Variants in RXFP1 observed in about 807,000 individuals in gnomAD.
RXFP1 encodes relaxin family peptide receptor 1.
RXFP1 carries 73 observed loss-of-function variants against 89.8 expected under a neutral mutation model. The ratio of observed to expected loss-of-function variants is 0.81; its 90% CI spans 0.67 to 0.99. RXFP1 has a LOEUF of 0.99. Among genes scored for constraint, RXFP1 ranks in the 50% least tolerant of loss-of-function variants. The pLI, the probability that RXFP1 is intolerant of heterozygous loss-of-function variation, is 0.00. For missense variants in RXFP1, 793 were observed against 895.5 expected (o/e 0.89, Z 1.46); for synonymous variants, 277 against 305.5 (o/e 0.91, Z 0.97).
rs1416898293 is a variant in RXFP1 at position 158,534,925 on chromosome 4, T to C, written c.49+12900T>C. ...TTATTACATATAATAAAATAATTTA[T>C]ATTGTTATATTAATATATTACATAA... On this transcript the variant is annotated intron_variant, in intron 1 of 17. Coordinates refer to ENST00000307765, the MANE Select transcript of RXFP1 (RefSeq NM_021634.4). Among the ~76,000 whole-genome samples the C allele has an allele frequency of 2.0e-5, 3 of 147,958 alleles. No individual in the cohort carries two copies. The East Asian group carries it at 5.8e-4, about 29-fold the overall frequency.
chr4:158,524,844 T>TTAAC (rs1553988558), intron 1 of RXFP1, among the ~76,000 whole-genome samples: 1 of 151,994 alleles, frequency 6.6e-6, no homozygotes, highest in Non-Finnish European at 1.5e-5. Flanking sequence ...AAACAATTCT[T>TTAAC]TTAATGTTTT....
intron 2 of RXFP1, among the ~76,000 whole-genome samples, chr4:158,573,565 T>A (rs1452350336): frequency 6.6e-6 from 1 of 152,196 alleles, no homozygotes. Flanking sequence ...AAGACAACTC[T>A]TCTTCCAATG....
chr4:158,563,903 TTA>T (rs113824618), intron 1 of RXFP1, among the ~76,000 whole-genome samples: 3 of 148,104 alleles, frequency 2.0e-5, no homozygotes, highest in African/African-American at 7.4e-5. Flanking sequence ...ATATAACATA[TTA>T]TATATATAAC....
intron 3 of RXFP1, among the ~76,000 whole-genome samples, chr4:158,595,645 T>C (rs533950902): frequency 2.0e-5 from 3 of 152,342 alleles, no homozygotes; most frequent in Admixed American, 2.0e-4. Context: ...ATTTTTTTCT[T>C]CATGTTCTAC....
intron 8 of RXFP1, among the ~76,000 whole-genome samples, chr4:158,616,863 G>A (rs546953245): frequency 6.5e-4 from 99 of 151,586 alleles, no homozygotes; most frequent in African/African-American, 2.0e-3. Context: ...GCTGGGTATG[G>A]TGGCACATGC....
chr4:158,577,089 A>G (rs1426380241), intron 2 of RXFP1, among the ~76,000 whole-genome samples: 1 of 151,624 alleles, frequency 6.6e-6, no homozygotes, highest in Non-Finnish European at 1.5e-5. Context: ...CCCAGGCTGG[A>G]GTGCAGTGGC....
Position 158,606,882 on chromosome 4 carries a change from T to C in RXFP1, c.465-1090T>C, listed in dbSNP as rs529293254. Reference sequence around the variant, plus strand: ...GGCATAACCCACTTCACCCAGCCTATAATAAATTTTATAATAACATTTCAC... The same window carrying C: ...GGCATAACCCACTTCACCCAGCCTACAATAAATTTTATAATAACATTTCAC... On this transcript the variant is annotated intron_variant, in intron 5 of 17. Coordinates refer to ENST00000307765, the MANE Select transcript of RXFP1 (RefSeq NM_021634.4). 2.6e-5 allele frequency among the ~76,000 whole-genome samples: 4 copies of C among 152,188 alleles called. No individual in the cohort carries two copies. In the South Asian group the frequency reaches 8.3e-4, roughly 32 times the overall value.
At chr4:158,620,096 A>G (rs1477451913) in intron 9 of RXFP1, among the ~76,000 whole-genome samples, 2 of 152,236 alleles carry the variant, frequency 1.3e-5, no homozygotes, top group East Asian at 3.8e-4. Flanking sequence ...GTTAAGTAAT[A>G]TAGTGGAAAG....
At chr4:158,585,502 T>C (rs931901040) in intron 2 of RXFP1, among the ~76,000 whole-genome samples, 14 of 152,158 alleles carry the variant, frequency 9.2e-5, no homozygotes, top group African/African-American at 3.4e-4. Flanking sequence ...TCTCCAGAAT[T>C]CAAATTGGTA....
chr4:158,625,664 T>C (rs1197241655), intron 9 of RXFP1, among the ~76,000 whole-genome samples: 1 of 152,162 alleles, frequency 6.6e-6, no homozygotes, highest in Non-Finnish European at 1.5e-5. Context: ...CTATTTTTAA[T>C]GCAGCACCTA....
In RXFP1 at chr4:158,542,109, A is replaced by ATATACATATTTT; in HGVS notation, c.49+20085_49+20086insATACATATTTTT. ...TATATATATATATATATATATATATATTTTTTTTTTAGTAGAGACAGGGTT... is the reference window on the plus strand; with the variant it reads ...TATATATATATATATATATATATATATATACATATTTTTTTTTTTTTTAGTAGAGACAGGGTT... On this transcript the variant is annotated intron_variant, in intron 1 of 17. Transcript: ENST00000307765. Among the ~76,000 whole-genome samples the ATATACATATTTT allele has an allele frequency of 5.1e-4, 18 of 35,254 alleles. 2 individuals carry two copies. Among genetic ancestry groups the ATATACATATTTT allele is most frequent in the African/African-American group, 1.5e-3 (16 of 10,766 alleles). 23.1% of individuals were successfully genotyped at this position (35,254 alleles called of 152,430 possible).
intron 5 of RXFP1, 46 bp from the exon 6 acceptor site, chr4:158,607,926 G>A: frequency 7.5e-7 from 1 of 1,324,686 alleles, no homozygotes; most frequent in Non-Finnish European, 1.1e-6. Context: ...TTGCAAAAGT[G>A]AAACTCTGCT....
At chr4:158,618,639 AT>A (rs1765039818) in intron 9 of RXFP1, among the ~76,000 whole-genome samples, 1 of 152,054 alleles carries the variant, frequency 6.6e-6, no homozygotes, top group South Asian at 2.1e-4. Context: ...ATGAACTTTC[AT>A]TTAGCACAGT....
intron 13 of RXFP1, among the ~76,000 whole-genome samples, chr4:158,638,680 T>A (rs188551528): frequency 1.3e-5 from 2 of 152,076 alleles, no homozygotes; most frequent in Admixed American, 1.3e-4. Context: ...TTGAGTGTGG[T>A]GGCATGCACC....
intron 2 of RXFP1, among the ~76,000 whole-genome samples, chr4:158,585,677 GA>G (rs201922136): frequency 2.7e-5 from 4 of 148,704 alleles, no homozygotes; most frequent in Non-Finnish European, 4.5e-5. Context: ...GATGATAAAA[GA>G]AAAAAAAAGA....
At chr4:158,561,608 GTA>G (rs1451278218) in intron 1 of RXFP1, among the ~76,000 whole-genome samples, 1 of 145,766 alleles carries the variant, frequency 6.9e-6, no homozygotes, top group Admixed American at 6.9e-5. Context: ...TACACAATCT[GTA>G]TTTTTTTCTT....
At chr4:158,538,994 G>A (rs1745949429) in intron 1 of RXFP1, among the ~76,000 whole-genome samples, 2 of 152,104 alleles carry the variant, frequency 1.3e-5, no homozygotes, top group African/African-American at 2.4e-5. Flanking sequence ...ACACGCCCAG[G>A]TGGCAACAGC....
intron 11 of RXFP1, among the ~76,000 whole-genome samples, chr4:158,631,845 C>A (rs1280085609): frequency 6.6e-6 from 1 of 152,180 alleles, no homozygotes; most frequent in Non-Finnish European, 1.5e-5. Flanking sequence ...GTAATCCCAG[C>A]ACTTTGGGAG....
intron 1 of RXFP1, among the ~76,000 whole-genome samples, chr4:158,560,872 C>T (rs1208814326): frequency 6.6e-6 from 1 of 152,214 alleles, no homozygotes; most frequent in Non-Finnish European, 1.5e-5. Context: ...CCTTAGACAC[C>T]AAGAAGCCGG....
Sources: gnomAD v4.1 joint callset for allele counts (sites outside exome capture counted in the v4.1 genomes callset) on GRCh38, gnomAD v4.1.1 for gene constraint, MANE v1.5 for transcripts, NCBI Gene and HGNC (gene_info 2026-07-23, HGNC 2026-07-21) for gene names.